The following ZNF512 variants were observed in gnomAD, a reference collection of about 807,000 sequenced individuals.
ZNF512 encodes the protein zinc finger protein 512.
In ZNF512, 25 loss-of-function variants were observed where a neutral mutation model predicts 77.5. The observed-to-expected ratio is 0.32, with a 90% confidence interval of 0.23 to 0.45. The LOEUF is 0.45. Among genes scored for constraint, ZNF512 ranks in the 20% least tolerant of loss-of-function variants. The pLI is 1.00. For synonymous variants in ZNF512, 246 were observed against 239.9 expected, an observed-to-expected ratio of 1.03 and a Z score of -0.24; for missense variants, 483 against 692.6, an observed-to-expected ratio of 0.70 and a Z score of 3.40.
intron 10 of ZNF512, among the ~76,000 whole-genome samples, chr2:27,609,261 A>G (rs1672504129): frequency 6.6e-6 from 1 of 152,124 alleles, no homozygotes; most frequent in South Asian, 2.1e-4. Flanking sequence ...GTATTTTTGA[A>G]TATTAGAGTA....
At chr2:27,612,917 CTA>C (rs1672727272) in intron 10 of ZNF512, among the ~76,000 whole-genome samples, 1 of 151,966 alleles carries the variant, frequency 6.6e-6, no homozygotes, top group South Asian at 2.1e-4. Flanking sequence ...TTTAATGTAA[CTA>C]TTCATTTATT....
At chr2:27,587,536 C>A (rs941930255) in intron 2 of ZNF512, among the ~76,000 whole-genome samples, 1 of 151,930 alleles carries the variant, frequency 6.6e-6, no homozygotes, top group African/African-American at 2.4e-5. Context: ...CTTGGCCTCC[C>A]AAAGTGCTGG....
chr2:27,587,910 C>T (rs1426148274), intron 2 of ZNF512, among the ~76,000 whole-genome samples: 1 of 152,024 alleles, frequency 6.6e-6, no homozygotes, highest in African/African-American at 2.4e-5. Flanking sequence ...GAACTCCCAA[C>T]CTCAGGTGAT....
chr2:27,610,585 T>TACACA (rs1672614621), intron 10 of ZNF512, among the ~76,000 whole-genome samples: 1 of 74,862 alleles, frequency 1.3e-5, no homozygotes. Context: ...TTTTTTTTTT[T>TACACA]TTTTTTTTTT....
At chr2:27,596,099 T>C (rs1671857321) in intron 2 of ZNF512, among the ~76,000 whole-genome samples, 1 of 152,232 alleles carries the variant, frequency 6.6e-6, no homozygotes, top group Admixed American at 6.5e-5. Flanking sequence ...TCTGTCTTGC[T>C]TTTGGAGGCA....
At chr2:27,610,544 G>GTGTGTGTATATATA (rs1413007886) in intron 10 of ZNF512, among the ~76,000 whole-genome samples, 12 of 32,660 alleles carry the variant, frequency 3.7e-4, no homozygotes, top group Admixed American at 5.9e-4. Context: ...ATATGTGTGT[G>GTGTGTGTATATATA]TATATATATA....
chr2:27,611,748 A>ATTGGCGTGGTCTCG (rs1672675379), intron 10 of ZNF512, among the ~76,000 whole-genome samples: 1 of 146,864 alleles, frequency 6.8e-6, no homozygotes, highest in Non-Finnish European at 1.5e-5. Flanking sequence ...CCCAGGCTGG[A>ATTGGCGTGGTCTCG]GTGCATTGGC....
chr2:27,596,411 C>T (rs1332876759), intron 2 of ZNF512, among the ~76,000 whole-genome samples: 4 of 152,128 alleles, frequency 2.6e-5, no homozygotes, highest in Non-Finnish European at 5.9e-5. Flanking sequence ...CCTGTTTTCT[C>T]TCTAGCATTC....
At chr2:27,611,783 C>T (rs1193275077) in intron 10 of ZNF512, among the ~76,000 whole-genome samples, 4 of 151,682 alleles carry the variant, frequency 2.6e-5, no homozygotes, top group African/African-American at 7.3e-5. Context: ...TTGCAACCTC[C>T]GCCTCCCGGG....
intron 10 of ZNF512, among the ~76,000 whole-genome samples, chr2:27,614,698 C>G (rs1229347501): frequency 6.7e-6 from 1 of 149,822 alleles, no homozygotes; most frequent in Non-Finnish European, 1.5e-5. Flanking sequence ...AAAAAAAATT[C>G]AACCAGAGAA....
chr2:27,593,227 C>T (rs1671678006), intron 2 of ZNF512, among the ~76,000 whole-genome samples: 1 of 149,326 alleles, frequency 6.7e-6, no homozygotes, highest in African/African-American at 2.5e-5. Flanking sequence ...CACACACACA[C>T]ACACACACAC....
intron 2 of ZNF512, among the ~76,000 whole-genome samples, chr2:27,596,861 CTG>C (rs1268417051): frequency 6.6e-6 from 1 of 152,222 alleles, no homozygotes; most frequent in Non-Finnish European, 1.5e-5. Flanking sequence ...CTAGAGGAAA[CTG>C]TATAAACAAG....
At chr2:27,600,642 T>C in intron 5 of ZNF512, 49 bp from the exon 6 acceptor site, 1 of 1,581,168 alleles carries the variant, frequency 6.3e-7, no homozygotes, top group African/African-American at 1.4e-5. Context: ...TGCTTTTTGT[T>C]TCTGGAGAAT....
At chr2:27,583,255 G>T (rs1356291067) in intron 1 of ZNF512, 113 bp downstream of exon 1, 1 of 1,488,790 alleles carries the variant, frequency 6.7e-7, no homozygotes, top group Non-Finnish European at 9.4e-7. Context: ...GCCATCGTAG[G>T]CCCCACCCTT....
chr2:27,599,417 A>G lies in ZNF512; in HGVS notation c.278-166A>G, dbSNP rs570428934. Among the ~76,000 whole-genome samples, 28 of 96,724 alleles carry G rather than the reference A, an allele frequency of 2.9e-4. No homozygotes were observed. In the South Asian group the frequency reaches 0.012, roughly 42 times the overall value. 63.5% of individuals were successfully genotyped at this position (96,724 alleles called of 152,430 possible). ...AAGGGAGAGTGGGTCAGTTAATGAG[A>G]AGTTACACCAACTTCTCTAAAAATG... On this transcript the variant is annotated intron_variant, in intron 3 of 13. Transcript: ENST00000355467.
In ZNF512 at chr2:27,599,952, G is replaced by C; in HGVS notation, c.374-18G>C. 1 of 1,614,102 alleles carries C rather than the reference G, an allele frequency of 6.2e-7. No homozygotes were observed. The highest frequency in any genetic ancestry group is 8.5e-7 in the Non-Finnish European group (1 of 1,179,950). On this transcript the variant is annotated intron_variant, in intron 4 of 13. Transcript: ENST00000355467. Reference sequence around the variant, plus strand: ...GCAAGGGTGACATGCTGGGCTTCAAGTTTCTGTCTTATGTCAGGGAGGAAG... The same window carrying C: ...GCAAGGGTGACATGCTGGGCTTCAACTTTCTGTCTTATGTCAGGGAGGAAG...
chr2:27,614,024 T>C (rs1672779561), intron 10 of ZNF512, among the ~76,000 whole-genome samples: 1 of 152,130 alleles, frequency 6.6e-6, no homozygotes, highest in Admixed American at 6.6e-5. Flanking sequence ...TAAATGCTTA[T>C]AAATAAAGCC....
intron 13 of ZNF512, among the ~76,000 whole-genome samples, chr2:27,617,935 A>G (rs1672955475): frequency 6.7e-6 from 1 of 148,350 alleles, no homozygotes; most frequent in Non-Finnish European, 1.5e-5. Flanking sequence ...CTGTGACTGT[A>G]AGCATCCTTG....
Position 27,599,695 on chromosome 2 carries a change from G to A in ZNF512, c.373+17G>A. ...AGCTTTATGGTAAGGCAGTAACTTT[G>A]CTACTTCTTTTTCCTTGGGTGACTG... On this transcript the variant is annotated intron_variant, in intron 4 of 13. Transcript: ENST00000355467. The A allele has an allele frequency of 6.2e-7, 1 of 1,605,170 alleles. No individual in the cohort carries two copies.
Sources: allele counts gnomAD v4.1 joint callset (sites outside exome capture counted in the v4.1 genomes callset), GRCh38; gene constraint gnomAD v4.1.1; transcripts MANE v1.5; gene names NCBI Gene and HGNC (gene_info 2026-07-23, HGNC 2026-07-21).